The following SHISA9 variants were observed in gnomAD, a reference collection of about 807,000 sequenced individuals.
The protein encoded by SHISA9 is protein shisa-9.
A neutral mutation model predicts 38.0 loss-of-function variants in SHISA9; 13 were observed. That is an observed-to-expected ratio of 0.34 (90% CI 0.22 to 0.54). The LOEUF (loss-of-function observed/expected upper bound fraction) is 0.54, where lower values mean the gene tolerates loss of function less well. Ranked by LOEUF, SHISA9 falls within the 20% of genes least tolerant of loss-of-function variation. The pLI, the probability that SHISA9 is intolerant of heterozygous loss-of-function variation, is 0.91. For synonymous variants in SHISA9, 275 were observed against 242.0 expected (o/e 1.14, Z -1.27); for missense variants, 538 against 575.8 (o/e 0.93, Z 0.67).
chr16:12,981,634 C>G (rs1013241613), intron 2 of SHISA9, among the ~76,000 whole-genome samples: 5 of 152,124 alleles, frequency 3.3e-5, no homozygotes, highest in Non-Finnish European at 7.4e-5. Flanking sequence ...TTTTTAATCC[C>G]CTGGGTCTTC....
chr16:12,949,284 C>A (rs2071725364), intron 2 of SHISA9, among the ~76,000 whole-genome samples: 1 of 152,208 alleles, frequency 6.6e-6, no homozygotes, highest in Admixed American at 6.5e-5. Flanking sequence ...TGGAGCCCAG[C>A]CACAGCCTGA....
chr16:13,017,766 T>A (rs1247268774), intron 2 of SHISA9, among the ~76,000 whole-genome samples: 1 of 152,182 alleles, frequency 6.6e-6, no homozygotes, highest in Non-Finnish European at 1.5e-5. Context: ...GGGACAGAGC[T>A]CATATACTTC....
At position 12,902,343 on chromosome 16, in the gene SHISA9, C is replaced by T. The variant is rs1392260647; in HGVS notation, c.279C>T (p.Gly93=). The change falls in exon 1 of 5, where the codon GGC becomes GGT. Residue 93 remains glycine (G), a synonymous_variant. Transcript: ENST00000558583. ...ACCCGCCGTTCAACTGCAGCTCGGGCGACTTCATCTTCTGCTGCGGGACTT... is the reference window on the plus strand; with the variant it reads ...ACCCGCCGTTCAACTGCAGCTCGGGTGACTTCATCTTCTGCTGCGGGACTT... ...QWDPPFNCSS[G]DFIFCCGTCG... 6.4e-7 allele frequency: 1 copy of T among 1,551,424 alleles called. No homozygotes were observed. Among genetic ancestry groups the T allele is most frequent in the Admixed American group, 2.0e-5 (1 of 51,010 alleles).
At chr16:12,909,838 T>C (rs1435778062) in intron 1 of SHISA9, 6 of 136,014 alleles carry the variant, frequency 4.4e-5, no homozygotes, top group African/African-American at 1.6e-4. Context: ...CTTCCCTCCT[T>C]CCCTTCCCCT....
intron 2 of SHISA9, among the ~76,000 whole-genome samples, chr16:13,003,889 T>TAATAATAATAAGAAGAAG (rs770958492): frequency 2.1e-5 from 3 of 145,824 alleles, no homozygotes; most frequent in African/African-American, 7.6e-5. Context: ...ATAATAATAA[T>TAATAATAATAAGAAGAAG]AAGAAGAAGA....
the SHISA9 span, among the ~76,000 whole-genome samples, chr16:13,403,811 C>T: frequency 1.6e-4 from 24 of 152,176 alleles, no homozygotes; most frequent in African/African-American, 5.5e-4. Flanking sequence ...TGTAGATGAG[C>T]GTTTTGGTAC....
At chr16:13,264,800 G>T in the SHISA9 span, among the ~76,000 whole-genome samples, 1 of 152,024 alleles carries the variant, frequency 6.6e-6, no homozygotes, top group Non-Finnish European at 1.5e-5. Context: ...CAATATAAGA[G>T]AATTAAATCT....
intron 2 of SHISA9, among the ~76,000 whole-genome samples, chr16:13,198,891 C>T (rs568495260): frequency 4.6e-5 from 7 of 152,260 alleles, no homozygotes; most frequent in Admixed American, 3.3e-4. Flanking sequence ...TGAGAGGGAT[C>T]GCTTTGGTGG....
chr16:13,465,523 G>C, the SHISA9 span, among the ~76,000 whole-genome samples: 5 of 152,334 alleles, frequency 3.3e-5, no homozygotes, highest in Non-Finnish European at 7.3e-5. Flanking sequence ...AGAATCACAG[G>C]ATTTGGCATA....
At chr16:13,093,307 C>T (rs1160031267) in intron 2 of SHISA9, among the ~76,000 whole-genome samples, 8 of 152,204 alleles carry the variant, frequency 5.3e-5, no homozygotes, top group Admixed American at 5.2e-4. Context: ...AAGCCCATCT[C>T]TGCCACTTAC....
the SHISA9 span, among the ~76,000 whole-genome samples, chr16:13,351,871 G>A: frequency 6.6e-6 from 1 of 152,194 alleles, no homozygotes; most frequent in Non-Finnish European, 1.5e-5. Context: ...CAAACACGGG[G>A]AACTGTAGTA....
At chr16:12,902,854 G>GTGTC in intron 1 of SHISA9, 2 of 549,298 alleles carry the variant, frequency 3.6e-6, no homozygotes, top group South Asian at 4.8e-5. Context: ...GTGAGCGTGT[G>GTGTC]TGTGTGTGTG....
At chr16:13,492,550 T>C in the SHISA9 span, among the ~76,000 whole-genome samples, 1 of 152,140 alleles carries the variant, frequency 6.6e-6, no homozygotes, top group Admixed American at 6.5e-5. Context: ...TGAGGTCTTG[T>C]CTGTTTGAAG....
chr16:13,488,651 T>A, the SHISA9 span, among the ~76,000 whole-genome samples: 1 of 149,020 alleles, frequency 6.7e-6, no homozygotes, highest in Admixed American at 6.7e-5. Flanking sequence ...CCATATATCC[T>A]GAGTATGTAG....
the SHISA9 span, among the ~76,000 whole-genome samples, chr16:13,256,301 G>C: frequency 2.0e-5 from 3 of 152,260 alleles, no homozygotes; most frequent in East Asian, 5.8e-4. Flanking sequence ...TTTATTTTGA[G>C]ATGGAGTTTC....
At chr16:13,330,366 C>T in the SHISA9 span, among the ~76,000 whole-genome samples, 1 of 152,102 alleles carries the variant, frequency 6.6e-6, no homozygotes. Context: ...ATCTTGTTAA[C>T]TATAACAAGA....
the SHISA9 span, among the ~76,000 whole-genome samples, chr16:13,360,513 TG>T: frequency 1.3e-5 from 2 of 152,184 alleles, no homozygotes; most frequent in South Asian, 4.1e-4. Context: ...CCCCTTCACT[TG>T]GCTCTCGTTC....
At chr16:13,133,299 A>C (rs568767785) in intron 2 of SHISA9, among the ~76,000 whole-genome samples, 2 of 152,358 alleles carry the variant, frequency 1.3e-5, no homozygotes, top group South Asian at 4.1e-4. Context: ...TGAAATGTCC[A>C]TAAGATTATA....
chr16:13,495,455 A>G, the SHISA9 span, among the ~76,000 whole-genome samples: 5 of 152,100 alleles, frequency 3.3e-5, no homozygotes, highest in African/African-American at 9.7e-5. Flanking sequence ...TCATTTAAGA[A>G]CTATAAAGAA....
Sources: allele counts gnomAD v4.1 joint callset (sites outside exome capture counted in the v4.1 genomes callset), GRCh38; gene constraint gnomAD v4.1.1; transcripts MANE v1.5; gene names NCBI Gene and HGNC (gene_info 2026-07-23, HGNC 2026-07-21).